TRIM14: variants seen among roughly 807,000 people sequenced by gnomAD.
The protein encoded by TRIM14 is tripartite motif-containing protein 14.
Under a neutral mutation model 44.5 loss-of-function variants are expected in TRIM14, and 28 were observed. The observed-to-expected ratio is 0.63, with a 90% CI of 0.47 to 0.86. The LOEUF is 0.86. Among genes scored for constraint, TRIM14 ranks in the 40% least tolerant of loss-of-function variants. The pLI is 0.00. For synonymous variants in TRIM14, 299 were observed against 269.2 expected (o/e 1.11, Z -1.08); for missense variants, 607 against 611.1 (o/e 0.99, Z 0.07).
At chr9:98,082,075 A>G (rs573465646), downstream of TRIM14, 1 of 152,156 alleles carries the variant, frequency 6.6e-6, no homozygotes, top group Non-Finnish European at 1.5e-5. Context: ...CGTGGAGGAT[A>G]TAGAGTAATA....
the TRIM14 span, among the ~76,000 whole-genome samples, chr9:98,048,413 TC>T: frequency 2.8e-4 from 42 of 152,222 alleles, no homozygotes; most frequent in East Asian, 8.1e-3. Flanking sequence ...AAATGAAAAA[TC>T]CTACAGCTAC....
Position 98,087,325 on chromosome 9 carries a change from T to A in TRIM14, c.*145A>T. On this transcript the variant is annotated 3_prime_UTR_variant, in exon 6 of 6. Coordinates refer to ENST00000341469, the MANE Select transcript of TRIM14 (RefSeq NM_014788.4). Reference sequence around the variant, plus strand: ...AGGAGAGGAAACCTTCAAAGCACTGTAGGCGTGATTGGTCGGGGAAAGCTG... The same window carrying A: ...AGGAGAGGAAACCTTCAAAGCACTGAAGGCGTGATTGGTCGGGGAAAGCTG... 1 of 1,247,970 alleles carries A rather than the reference T, an allele frequency of 8.0e-7. No individual in the cohort carries two copies. The highest frequency in any genetic ancestry group is 1.2e-5 in the South Asian group (1 of 82,968). 77.3% of individuals were successfully genotyped at this position (1,247,970 alleles called of 1,614,324 possible).
intron 1 of TRIM14, among the ~76,000 whole-genome samples, chr9:98,111,532 T>C (rs370263636): frequency 6.6e-6 from 1 of 152,116 alleles, no homozygotes; most frequent in East Asian, 1.9e-4. Context: ...AAGAAATAAA[T>C]TGATGGTGGC....
exon 7 of TRIM14, chr9:98,069,639 C>T (rs1314197804): frequency 1.3e-5 from 2 of 152,250 alleles, no homozygotes; most frequent in Admixed American, 1.3e-4. Context: ...AGTGAGAAAG[C>T]AGCATATGCA....
intron 6 of TRIM14, chr9:98,075,708 A>C (rs1829561489): frequency 6.6e-6 from 1 of 152,164 alleles, no homozygotes; most frequent in Non-Finnish European, 1.5e-5. Flanking sequence ...AAACAAAACA[A>C]AGGGACTCAA....
chr9:98,091,968 G>T lies in TRIM14; in HGVS notation c.734C>A (p.Thr245Asn). The T allele has an allele frequency of 6.2e-7, 1 of 1,610,894 alleles. No individual in the cohort carries two copies. The highest frequency in any genetic ancestry group is 1.1e-5 in the South Asian group (1 of 90,696). Reference protein sequence around the residue: ...INCQLSDPSSTKPGTLLKTSP... With the variant: ...INCQLSDPSSNKPGTLLKTSP... ...GGTTTTCAACAAGGTACCTGGCTTG[G>T]TGCTGGAAGGGTCTGAGAGCTGGCA... is the stretch of plus-strand genomic sequence containing the variant. The change falls in exon 5 of 6, where the codon ACC becomes AAC. Residue 245 changes from threonine to asparagine, a missense_variant. Thr to Asn is a moderately conservative substitution (Grantham distance 65). Coordinates refer to ENST00000341469, the MANE Select transcript of TRIM14 (RefSeq NM_014788.4).
At chr9:98,116,301 CA>C (rs35650458) in intron 1 of TRIM14, among the ~76,000 whole-genome samples, 48,133 of 98,702 alleles carry the variant, frequency 0.49, 9,328 homozygotes, top group East Asian at 0.68. Context: ...GACCCTGTCT[CA>C]AAAAAAAAAA....
intron 1 of TRIM14, among the ~76,000 whole-genome samples, chr9:98,112,408 G>A (rs887004706): frequency 7.2e-5 from 11 of 152,156 alleles, no homozygotes; most frequent in Non-Finnish European, 1.2e-4. Context: ...AAATAAAAAG[G>A]AAGTATAGGA....
intron 1 of TRIM14, among the ~76,000 whole-genome samples, chr9:98,113,556 T>C (rs1185994476): frequency 6.6e-6 from 1 of 152,174 alleles, no homozygotes; most frequent in African/African-American, 2.4e-5. Context: ...GGTTTCACCA[T>C]GTTGCTCAGG....
intron 1 of TRIM14, 189 bp from the exon 2 acceptor site, chr9:98,110,173 G>A (rs895189121): frequency 1.7e-6 from 1 of 582,732 alleles, no homozygotes; most frequent in Non-Finnish European, 3.1e-6. Context: ...CTGATCCTCG[G>A]AGGTCCACAT....
chr9:98,045,211 T>C, the TRIM14 span, among the ~76,000 whole-genome samples: 1 of 152,180 alleles, frequency 6.6e-6, no homozygotes, highest in Non-Finnish European at 1.5e-5. Flanking sequence ...GACTACTTCC[T>C]GTAAATTGTG....
the TRIM14 span, chr9:98,057,088 A>G: frequency 1.7e-6 from 2 of 1,195,346 alleles, no homozygotes; most frequent in Non-Finnish European, 2.2e-6. Flanking sequence ...AATCCTTCGG[A>G]TCCCTCTTCC....
chr9:98,087,699 T>C lies in TRIM14; in HGVS notation c.1100A>G (p.Tyr367Cys). Reference protein sequence around the residue: ...CNRQSWCLKRYDLEYWAFHDG... With the variant: ...CNRQSWCLKRCDLEYWAFHDG... ...GTGGAAGGCCCAGTACTCAAGGTCG[T>C]AGCGCTTGAGGCACCAGGACTGGCG... Residue 367 changes from tyrosine (Y) to cysteine (C), a missense_variant, in exon 6 of 6, where the codon TAC (tyrosine) becomes TGC (cysteine). Transcript: ENST00000341469. 2 of 1,599,290 alleles carry C rather than the reference T, an allele frequency of 1.3e-6. No homozygotes were observed. Among genetic ancestry groups the C allele is most frequent in the Non-Finnish European group, 1.7e-6 (2 of 1,178,352 alleles).
intron 6 of TRIM14, among the ~76,000 whole-genome samples, chr9:98,073,271 C>CTTTTTTTTTTTTTTT (rs10606237): frequency 1.7e-5 from 1 of 57,826 alleles, no homozygotes; most frequent in African/African-American, 8.8e-5. Context: ...TCACCATGGG[C>CTTTTTTTTTTTTTTT]TTTTTTTTTT....
At chr9:98,108,475 T>A (rs952723213) in intron 2 of TRIM14, among the ~76,000 whole-genome samples, 2 of 152,166 alleles carry the variant, frequency 1.3e-5, no homozygotes, top group Non-Finnish European at 1.5e-5. Context: ...TCTTCCAGTG[T>A]GGCCTGGGGA....
chr9:98,067,384 C>T (rs1829179313), downstream of TRIM14, among the ~76,000 whole-genome samples: 1 of 152,172 alleles, frequency 6.6e-6, no homozygotes, highest in African/African-American at 2.4e-5. Flanking sequence ...TTGATGGTGC[C>T]AGTTGCTTCA....
the TRIM14 span, among the ~76,000 whole-genome samples, chr9:98,038,094 AG>A: frequency 6.6e-6 from 1 of 151,940 alleles, no homozygotes; most frequent in East Asian, 1.9e-4. Flanking sequence ...TGTGTCACCC[AG>A]GCTGTAGTAC....
chr9:98,080,875 A>G (rs762985819), downstream of TRIM14: 1 of 1,613,966 alleles, frequency 6.2e-7, no homozygotes, highest in Non-Finnish European at 8.5e-7. Flanking sequence ...AAACAGGCAT[A>G]GCGATATCTG....
At chr9:98,040,305 A>G in the TRIM14 span, among the ~76,000 whole-genome samples, 2 of 151,056 alleles carry the variant, frequency 1.3e-5, no homozygotes, top group African/African-American at 4.9e-5. Context: ...TATTTCTTCA[A>G]CTCCCCTTTG....
Sources: gnomAD v4.1 joint callset for allele counts (sites outside exome capture counted in the v4.1 genomes callset) on GRCh38, gnomAD v4.1.1 for gene constraint, MANE v1.5 for transcripts, NCBI Gene and HGNC (gene_info 2026-07-23, HGNC 2026-07-21) for gene names.